Variants in GRIP1 observed in about 807,000 individuals in gnomAD.
GRIP1 encodes glutamate receptor-interacting protein 1.
GRIP1 carries 45 observed loss-of-function variants against 129.9 expected under a neutral mutation model. That is an observed-to-expected ratio of 0.35 (90% CI 0.27 to 0.44). GRIP1 has a LOEUF of 0.44. GRIP1 is among the 20% of genes least tolerant of loss of function. The pLI is 1.00. For missense variants in GRIP1, 1,196 were observed against 1,396.8 expected, an observed-to-expected ratio of 0.86 and a Z score of 2.29; for synonymous variants, 530 against 520.8, an observed-to-expected ratio of 1.02 and a Z score of -0.24.
chr12:66,841,521 G>A (rs1374468000), intron 1 of GRIP1, among the ~76,000 whole-genome samples: 1 of 152,190 alleles, frequency 6.6e-6, no homozygotes, highest in Non-Finnish European at 1.5e-5. Flanking sequence ...GCAGGGCACT[G>A]CACAGCATTT....
intron 1 of GRIP1, among the ~76,000 whole-genome samples, chr12:66,786,050 T>C (rs1176911254): frequency 1.3e-5 from 2 of 152,196 alleles, no homozygotes; most frequent in African/African-American, 4.8e-5. Context: ...ACCACTGTAC[T>C]CTAGCCTGGG....
intron 1 of GRIP1, among the ~76,000 whole-genome samples, chr12:66,947,973 T>G (rs1411795744): frequency 1.3e-5 from 2 of 152,216 alleles, no homozygotes; most frequent in Non-Finnish European, 2.9e-5. Flanking sequence ...TTCAGAGCCA[T>G]CCTTGAGGAT....
At chr12:66,829,022 C>T (rs987998131) in intron 1 of GRIP1, among the ~76,000 whole-genome samples, 2 of 152,122 alleles carry the variant, frequency 1.3e-5, no homozygotes, top group East Asian at 1.9e-4. Flanking sequence ...TGCCCACCTC[C>T]CCAGGATGAA....
intron 1 of GRIP1, among the ~76,000 whole-genome samples, chr12:66,687,581 G>A (rs2034830074): frequency 6.6e-6 from 1 of 152,032 alleles, no homozygotes; most frequent in Admixed American, 6.6e-5. Flanking sequence ...ATATTCACAG[G>A]GAAAGTTCTA....
chr12:66,389,725 T>C lies in GRIP1; in HGVS notation c.2464+2583A>G, dbSNP rs187696261. On this transcript the variant is annotated intron_variant, in intron 19 of 24. Transcript: ENST00000359742. ...GGTAGGTGTCATTGATCAGTTCTCC[T>C]GTCTTCAATGATGCCAGTGACCAGC... Among the ~76,000 whole-genome samples the C allele has an allele frequency of 4.5e-4, 69 of 152,346 alleles. 1 individual carries two copies. In the Middle Eastern group the frequency reaches 0.014, roughly 30 times the overall value.
intron 19 of GRIP1, among the ~76,000 whole-genome samples, chr12:66,381,923 C>G (rs1042789516): frequency 3.9e-5 from 6 of 152,340 alleles, no homozygotes; most frequent in Admixed American, 3.9e-4. Context: ...CCGTGCTACG[C>G]TGACCCAGAG....
At chr12:66,541,475 T>C (rs1181095628) in intron 3 of GRIP1, among the ~76,000 whole-genome samples, 3 of 152,362 alleles carry the variant, frequency 2.0e-5, no homozygotes, top group Non-Finnish European at 2.9e-5. Context: ...ATTTAGATGA[T>C]TGGAGTGTCT....
chr12:67,013,232 A>G (rs994320726), intron 1 of GRIP1, among the ~76,000 whole-genome samples: 3 of 152,166 alleles, frequency 2.0e-5, no homozygotes, highest in African/African-American at 7.2e-5. Flanking sequence ...AAAATAGGCA[A>G]TTTTTATTTC....
intron 1 of GRIP1, among the ~76,000 whole-genome samples, chr12:66,852,315 C>T (rs958456363): frequency 2.6e-5 from 4 of 151,834 alleles, no homozygotes; most frequent in Non-Finnish European, 5.9e-5. Flanking sequence ...AAGATTTACT[C>T]GGTGTGCTCA....
chr12:66,511,964 G>A (rs1385660129), intron 7 of GRIP1, among the ~76,000 whole-genome samples: 1 of 152,068 alleles, frequency 6.6e-6, no homozygotes, highest in African/African-American at 2.4e-5. Context: ...CATGGGAGCA[G>A]TTTTCTCCCA....
chr12:66,790,342 T>A (rs533510877), intron 1 of GRIP1, among the ~76,000 whole-genome samples: 3 of 152,294 alleles, frequency 2.0e-5, no homozygotes, highest in African/African-American at 7.2e-5. Context: ...CAGAATACTT[T>A]ACCTCAAAAA....
chr12:66,469,225 T>C (rs1297517995), intron 7 of GRIP1, among the ~76,000 whole-genome samples: 1 of 152,128 alleles, frequency 6.6e-6, no homozygotes, highest in Non-Finnish European at 1.5e-5. Flanking sequence ...ACTTGTAAAA[T>C]GAAGAGATTT....
Position 66,785,343 on chromosome 12 carries a change from C to CATACAT in GRIP1, c.-420+18709_-420+18710insATGTAT, listed in dbSNP as rs377630345. On this transcript the variant is annotated intron_variant, in intron 1 of 4. Transcript: ENST00000538373. The stretch of plus-strand genomic sequence containing the variant: ...ACATACATACATACATACATACATA[C>CATACAT]ATATATATATATATATATATTAGTT... 1.1e-3 allele frequency among the ~76,000 whole-genome samples: 80 copies of CATACAT among 72,786 alleles called. 2 individuals are homozygous for CATACAT. Among genetic ancestry groups the CATACAT allele is most frequent in the African/African-American group, 3.7e-3 (73 of 19,720 alleles). 47.8% of individuals were successfully genotyped at this position (72,786 alleles called of 152,430 possible).
intron 1 of GRIP1, among the ~76,000 whole-genome samples, chr12:66,813,491 T>C (rs1323844300): frequency 1.3e-5 from 2 of 152,078 alleles, no homozygotes; most frequent in Non-Finnish European, 2.9e-5. Context: ...ATCAAAGTAA[T>C]TTCCAATGGT....
chr12:66,658,807 C>T (rs960032246), intron 1 of GRIP1, among the ~76,000 whole-genome samples: 2 of 151,334 alleles, frequency 1.3e-5, no homozygotes, highest in East Asian at 3.9e-4. Flanking sequence ...ACCTGTGTTC[C>T]CAACTACCTG....
At chr12:66,779,046 T>A (rs2038075487) in intron 1 of GRIP1, among the ~76,000 whole-genome samples, 1 of 152,018 alleles carries the variant, frequency 6.6e-6, no homozygotes, top group Non-Finnish European at 1.5e-5. Context: ...AAAGAGAAAT[T>A]CAAAGAAAAG....
chr12:66,841,777 G>A (rs758088122), intron 1 of GRIP1, among the ~76,000 whole-genome samples: 4 of 152,134 alleles, frequency 2.6e-5, no homozygotes, highest in East Asian at 1.9e-4. Context: ...AGCCTTTATC[G>A]CTTCACGGGG....
At chr12:66,446,406 T>C (rs1592340397) in intron 11 of GRIP1, among the ~76,000 whole-genome samples, 1 of 151,974 alleles carries the variant, frequency 6.6e-6, no homozygotes, top group Non-Finnish European at 1.5e-5. Context: ...CCAGAAAGAG[T>C]CTGGCCCCCT....
chr12:66,409,339 C>G (rs551488234), intron 15 of GRIP1, among the ~76,000 whole-genome samples: 1 of 152,306 alleles, frequency 6.6e-6, no homozygotes, highest in South Asian at 2.1e-4. Flanking sequence ...GAGAGAGAGA[C>G]TATATCTGTT....
Sources: allele counts gnomAD v4.1 joint callset (sites outside exome capture counted in the v4.1 genomes callset), GRCh38; gene constraint gnomAD v4.1.1; transcripts MANE v1.5; gene names NCBI Gene and HGNC (gene_info 2026-07-23, HGNC 2026-07-21).